ZNF681: variants seen among roughly 807,000 people sequenced by gnomAD.
ZNF681 encodes the protein zinc finger protein 681.
A neutral mutation model predicts 56.0 loss-of-function variants in ZNF681; 37 were observed. That is an observed-to-expected ratio of 0.66 (90% CI 0.51 to 0.87). The LOEUF is 0.87. Among genes scored for constraint, ZNF681 ranks in the 40% least tolerant of loss-of-function variants. The pLI is 0.00. For synonymous variants in ZNF681, 225 were observed against 248.6 expected (o/e 0.91, Z 0.89); for missense variants, 741 against 744.9 (o/e 0.99, Z 0.06).
In ZNF681 at chr19:23,745,145, T is replaced by C; in HGVS notation, c.405A>G (p.Pro135=). The part of the protein sequence containing the change: ...GGYNGLNQCL[P]TTQSKIFQCD... ...ATTGAAATATTTTGCTCTGGGTAGT[T>C]GGCAAACATTGGTTAAGTCCATTAT... Residue 135 remains proline (P), a synonymous_variant, in exon 4 of 4, where the codon CCA becomes CCG. Coordinates refer to ENST00000402377, the MANE Select transcript of ZNF681 (RefSeq NM_138286.3). 6.2e-7 allele frequency: 1 copy of C among 1,612,094 alleles called. No homozygotes were observed.
At position 23,744,267 on chromosome 19, in the gene ZNF681, C is replaced by T. The variant is rs1334566486; in HGVS notation, c.1283G>A (p.Gly428Asp). ...GEKPYQCEKCGKASNQSSNLT... is the reference protein window; with the variant it reads ...GEKPYQCEKCDKASNQSSNLT... ...GTTTGAGGATTGGTTAGAAGCTTTG[C>T]CACATTTTTCACACTGGTAGGGTTT... Residue 428 changes from glycine to aspartate, a missense_variant, in exon 4 of 4, where the codon GGC (glycine) becomes GAC (aspartate). Physicochemically the swap from Gly to Asp is moderately conservative, Grantham distance 94. Transcript: ENST00000402377. The T allele has an allele frequency of 6.2e-7, 1 of 1,613,508 alleles. No individual in the cohort carries two copies. Among genetic ancestry groups the T allele is most frequent in the Non-Finnish European group, 8.5e-7 (1 of 1,179,792 alleles).
chr19:23,753,354 G>A (rs988528108), intron 3 of ZNF681, among the ~76,000 whole-genome samples: 2 of 152,296 alleles, frequency 1.3e-5, no homozygotes, highest in Non-Finnish European at 2.9e-5. Flanking sequence ...AGCTGAGATC[G>A]CACCAGTGCA....
chr19:23,749,211 C>G (rs1161450920), intron 3 of ZNF681, among the ~76,000 whole-genome samples: 1 of 152,114 alleles, frequency 6.6e-6, no homozygotes, highest in African/African-American at 2.4e-5. Context: ...ATTATTATGT[C>G]ACCTGAAATA....
In ZNF681 at chr19:23,740,929, A is replaced by C. The variant is rs1968867680; in HGVS notation, c.*2683T>G. 1 of 152,144 alleles carries C rather than the reference A, an allele frequency of 6.6e-6. No homozygotes were observed. Among genetic ancestry groups the C allele is most frequent in the Non-Finnish European group, 1.5e-5 (1 of 68,004 alleles). 9.4% of individuals were successfully genotyped at this position (152,144 alleles called of 1,614,324 possible). On this transcript the variant is annotated 3_prime_UTR_variant, in exon 4 of 4. Coordinates refer to ENST00000402377, the MANE Select transcript of ZNF681 (RefSeq NM_138286.3). ...AAAAAATGTAAGACACAAGAAAATT[A>C]TGGGTCTAGCCTAAGAATCAGGCAA...
Position 23,745,055 on chromosome 19 carries a change from G to A in ZNF681, c.495C>T (p.Thr165=). The change falls in exon 4 of 4, where the codon ACC becomes ACT. Residue 165 remains threonine, a synonymous_variant. Coordinates refer to ENST00000402377, the MANE Select transcript of ZNF681 (RefSeq NM_138286.3). ...CTTTATATTTAAAAGGTTTTTTTCTGGTGTGTCTTACCTTATGTCCATTTA... is the reference window on the plus strand; with the variant it reads ...CTTTATATTTAAAAGGTTTTTTTCTAGTGTGTCTTACCTTATGTCCATTTA... ...SNLNGHKVRH[T]RKKPFKYKEF... 6.3e-7 allele frequency: 1 copy of A among 1,594,910 alleles called. No individual in the cohort carries two copies. The highest frequency in any genetic ancestry group is 8.6e-7 in the Non-Finnish European group (1 of 1,169,094).
intron 3 of ZNF681, among the ~76,000 whole-genome samples, chr19:23,746,319 CA>C (rs56146398): frequency 0.013 from 1,858 of 148,510 alleles, 45 homozygotes; most frequent in African/African-American, 0.041. Context: ...GTCTCAAAAA[CA>C]AAAAAAAAAA....
intron 2 of ZNF681, 60 bp downstream of exon 2, chr19:23,755,365 A>G (rs1969096039): frequency 1.9e-6 from 3 of 1,543,418 alleles, no homozygotes; most frequent in Admixed American, 2.2e-5. Context: ...AACATTATAC[A>G]AAAAAGAAAA....
At position 23,745,147 on chromosome 19, in the gene ZNF681, G is replaced by A; in HGVS notation, c.403C>T (p.Pro135Ser). 6.2e-7 allele frequency: 1 copy of A among 1,611,166 alleles called. No homozygotes were observed. The highest frequency in any genetic ancestry group is 8.5e-7 in the Non-Finnish European group (1 of 1,179,430). ...GGYNGLNQCL[P>S]TTQSKIFQCD... ...TGAAATATTTTGCTCTGGGTAGTTG[G>A]CAAACATTGGTTAAGTCCATTATAA... The change falls in exon 4 of 4, where the codon CCA becomes TCA. Residue 135 changes from proline to serine, a missense_variant. Coordinates refer to ENST00000402377, the MANE Select transcript of ZNF681 (RefSeq NM_138286.3).
intron 3 of ZNF681, among the ~76,000 whole-genome samples, chr19:23,747,442 A>G (rs1301665840): frequency 6.6e-6 from 1 of 152,016 alleles, no homozygotes; most frequent in Non-Finnish European, 1.5e-5. Flanking sequence ...GATCAAGACC[A>G]TCCTGGCTAA....
chr19:23,744,230 A>G lies in ZNF681; in HGVS notation c.1320T>C (p.His440=). The change falls in exon 4 of 4, where the codon CAT becomes CAC. Residue 440 remains histidine, a synonymous_variant. Coordinates refer to ENST00000402377, the MANE Select transcript of ZNF681 (RefSeq NM_138286.3). ...GTTTCTCTTCAGTATGAATATTCTTATGTTCAGTAAGGTTTGAGGATTGGT... is the reference window on the plus strand; with the variant it reads ...GTTTCTCTTCAGTATGAATATTCTTGTGTTCAGTAAGGTTTGAGGATTGGT... ...ASNQSSNLTE[H]KNIHTEEKPY... is the part of the protein sequence containing the mutation. The G allele has an allele frequency of 6.2e-7, 1 of 1,613,450 alleles. No homozygotes were observed. The highest frequency in any genetic ancestry group is 8.5e-7 in the Non-Finnish European group (1 of 1,179,798).
At chr19:23,755,236 G>C (rs927668466) in intron 2 of ZNF681, among the ~76,000 whole-genome samples, 189 bp downstream of exon 2, 3 of 152,202 alleles carry the variant, frequency 2.0e-5, no homozygotes, top group African/African-American at 7.2e-5. Context: ...CAGGAATGCA[G>C]AAAGTTCAGG....
chr19:23,753,101 A>T (rs1366642106), intron 3 of ZNF681, among the ~76,000 whole-genome samples: 4 of 51,410 alleles, frequency 7.8e-5, no homozygotes, highest in African/African-American at 2.0e-4. Flanking sequence ...TAAAATATTT[A>T]AAAAATCTTA....
In ZNF681 at chr19:23,758,888, A is replaced by G; in HGVS notation, c.-139T>C. The G allele has an allele frequency of 3.3e-6, 4 of 1,198,052 alleles. No homozygotes were observed. The East Asian group carries it at 9.4e-5, about 28-fold the overall frequency. 74.2% of individuals were successfully genotyped at this position (1,198,052 alleles called of 1,614,324 possible). On this transcript the variant is annotated 5_prime_UTR_variant, in exon 1 of 4. Coordinates refer to ENST00000402377, the MANE Select transcript of ZNF681 (RefSeq NM_138286.3). ...GACCCGGAGCTCGGGCTGAAGGGAG[A>G]GACAAAGGCCCCGCCAATCCCGGAA...
rs145416258 is a variant in ZNF681, at chr19:23,744,387, T to G, written c.1163A>C (p.His388Pro). Residue 388 changes from histidine to proline, a missense_variant, in exon 4 of 4, where the codon CAT becomes CCT. By Grantham distance (77) the His-to-Pro change is moderately conservative. Coordinates refer to ENST00000402377, the MANE Select transcript of ZNF681 (RefSeq NM_138286.3). ...ACATTTGTAGGGTTTCTCTCCAGTA[T>G]GAATTATCTTATGTGTAGTAAGGTG... is the stretch of plus-strand genomic sequence containing the variant. ...SSHLTTHKII[H>P]TGEKPYKCEE... The G allele has an allele frequency of 9.0e-4, 1,446 of 1,612,736 alleles. 14 individuals are homozygous for G. The highest frequency in any genetic ancestry group is 4.5e-4 in the Non-Finnish European group (532 of 1,179,166).
intron 3 of ZNF681, among the ~76,000 whole-genome samples, chr19:23,748,522 T>C (rs1348387992): frequency 1.3e-5 from 2 of 152,304 alleles, no homozygotes; most frequent in African/African-American, 4.8e-5. Flanking sequence ...CTATCTCCTT[T>C]ACTCAATAAA....
rs572648694 is a variant in ZNF681, at chr19:23,739,196, T to C, written c.*4416A>G. 7 of 152,122 alleles carry C rather than the reference T, an allele frequency of 4.6e-5. No individual in the cohort carries two copies. Among genetic ancestry groups the C allele is most frequent in the African/African-American group, 1.7e-4 (7 of 41,552 alleles). 9.4% of individuals were successfully genotyped at this position (152,122 alleles called of 1,614,324 possible). A position where few individuals can be genotyped will look rare whatever the true frequency, so the allele number is the denominator to read the frequency against. On this transcript the variant is annotated 3_prime_UTR_variant, in exon 4 of 4. Coordinates refer to ENST00000402377, the MANE Select transcript of ZNF681 (RefSeq NM_138286.3). Reference sequence around the variant, plus strand: ...GTATATATACACAATGGAATACTATTCATCTTTAAAATAAAAAAATTTATT... The same window carrying C: ...GTATATATACACAATGGAATACTATCCATCTTTAAAATAAAAAAATTTATT...
chr19:23,746,772 C>G (rs578139711), intron 3 of ZNF681, among the ~76,000 whole-genome samples: 1 of 152,260 alleles, frequency 6.6e-6, no homozygotes, highest in East Asian at 1.9e-4. Flanking sequence ...AGAAAACACA[C>G]AATATTCTTA....
intron 2 of ZNF681, 50 bp from the exon 3 acceptor site, chr19:23,754,968 AC>A (rs1298785271): frequency 7.0e-7 from 1 of 1,433,250 alleles, no homozygotes; most frequent in African/African-American, 1.4e-5. Flanking sequence ...TTGTCTAATC[AC>A]CAACATGGCA....
rs1968879824 is a variant in ZNF681, at chr19:23,742,026, G to A, written c.*1586C>T. 6.6e-6 allele frequency: 1 copy of A among 152,048 alleles called. No homozygotes were observed. Among genetic ancestry groups the A allele is most frequent in the Admixed American group, 6.6e-5 (1 of 15,254 alleles). 9.4% of individuals were successfully genotyped at this position (152,048 alleles called of 1,614,324 possible). ...TTAGTCCATTATCTTATTAAATAGT[G>A]TATAGTTACCATCATTTACCTATAC... On this transcript the variant is annotated 3_prime_UTR_variant, in exon 4 of 4. Coordinates refer to ENST00000402377, the MANE Select transcript of ZNF681 (RefSeq NM_138286.3).
Sources: gnomAD v4.1 joint callset for allele counts (sites outside exome capture counted in the v4.1 genomes callset) on GRCh38, gnomAD v4.1.1 for gene constraint, MANE v1.5 for transcripts, NCBI Gene and HGNC (gene_info 2026-07-23, HGNC 2026-07-21) for gene names.